Variants in CHRM3 observed in about 807,000 individuals in gnomAD.
The protein encoded by CHRM3 is cholinergic receptor muscarinic 3, also known as muscarinic acetylcholine receptor M3.
Under a neutral mutation model 41.8 loss-of-function variants are expected in CHRM3, and 11 were observed. The ratio of observed to expected loss-of-function variants is 0.26; its 90% CI spans 0.17 to 0.44. The LOEUF is 0.44. Among genes scored for constraint, CHRM3 ranks in the 20% least tolerant of loss-of-function variants. CHRM3 has a pLI of 1.00. For missense variants in CHRM3, 571 were observed against 745.4 expected (o/e 0.77, Z 2.72); for synonymous variants, 297 against 301.4 (o/e 0.99, Z 0.15).
intron 3 of CHRM3, among the ~76,000 whole-genome samples, chr1:239,602,108 G>GTA (rs1293974734): frequency 1.4e-4 from 18 of 129,408 alleles, no homozygotes; most frequent in African/African-American, 6.1e-4. Context: ...GTGTGTGTGT[G>GTA]TGTATATATA....
chr1:239,492,826 C>T lies in CHRM3; in HGVS notation c.-422+19C>T, dbSNP rs2148073553. On this transcript the variant is annotated intron_variant, in intron 2 of 6. Transcript: ENST00000676153. ...CTACAAGGTAAGTGAAATCGATCTC[C>T]GTCTACCCATTCTCCAGGCCAATTT... 2 of 152,340 alleles carry T rather than the reference C, an allele frequency of 1.3e-5. No individual in the cohort carries two copies. Among genetic ancestry groups the T allele is most frequent in the South Asian group, 2.1e-4 (1 of 4,828 alleles). 9.4% of individuals were successfully genotyped at this position (152,340 alleles called of 1,614,324 possible).
At chr1:239,827,544 T>C (rs968000503) in intron 6 of CHRM3, among the ~76,000 whole-genome samples, 166 bp downstream of exon 6, 1 of 152,196 alleles carries the variant, frequency 6.6e-6, no homozygotes, top group African/African-American at 2.4e-5. Context: ...TTGAAGGTAA[T>C]GATAGTTCCT....
intron 2 of CHRM3, among the ~76,000 whole-genome samples, chr1:239,508,915 C>T (rs1452850946): frequency 6.6e-6 from 1 of 152,146 alleles, no homozygotes; most frequent in Non-Finnish European, 1.5e-5. Flanking sequence ...AATAACTTTG[C>T]ACAAATTGTA....
At chr1:239,886,764 A>G (rs976957321) in intron 6 of CHRM3, among the ~76,000 whole-genome samples, 6 of 152,204 alleles carry the variant, frequency 3.9e-5, no homozygotes, top group Non-Finnish European at 8.8e-5. Context: ...GCAGCTGGAT[A>G]TGGTACCATT....
chr1:239,697,273 TC>T (rs1387290138), intron 5 of CHRM3, among the ~76,000 whole-genome samples: 4 of 152,068 alleles, frequency 2.6e-5, no homozygotes, highest in Non-Finnish European at 5.9e-5. Context: ...TCTCGTGAGA[TC>T]TGATGGTTTT....
intron 1 of CHRM3, among the ~76,000 whole-genome samples, chr1:239,471,115 C>G (rs1377420855): frequency 1.3e-5 from 2 of 152,048 alleles, no homozygotes; most frequent in Admixed American, 6.5e-5. Context: ...TTAAATAGTT[C>G]TAAGAAATGT....
chr1:239,661,471 A>G (rs1381708734), intron 4 of CHRM3, among the ~76,000 whole-genome samples: 1 of 152,244 alleles, frequency 6.6e-6, no homozygotes, highest in Non-Finnish European at 1.5e-5. Context: ...GCAATGGAAT[A>G]TTTAGCAATA....
chr1:239,544,319 A>G (rs1458214572), intron 2 of CHRM3, among the ~76,000 whole-genome samples: 1 of 152,194 alleles, frequency 6.6e-6, no homozygotes, highest in Non-Finnish European at 1.5e-5. Flanking sequence ...GAAGGTGCGT[A>G]GATGGAAGTC....
chr1:239,426,134 CCCCCCT>C (rs1662355816), intron 1 of CHRM3, among the ~76,000 whole-genome samples: 1 of 17,450 alleles, frequency 5.7e-5, no homozygotes, highest in Non-Finnish European at 1.5e-4. Flanking sequence ...TGCTATCCCT[CCCCCCT>C]CCCCCCTCCC....
At position 239,911,331 on chromosome 1, in the gene CHRM3, AGAC is replaced by A. The variant is rs1207207490; in HGVS notation, c.*2110_*2112del. ...TTCAACCAAAGAACAAGAAAGAAAC[AGAC>A]GATTTTCTAATATGTACACAGCAAA... On this transcript the variant is annotated 3_prime_UTR_variant, in exon 7 of 7. Transcript: ENST00000676153. 1.2e-5 allele frequency: 2 copies of A among 167,068 alleles called. No individual in the cohort carries two copies. The highest frequency in any genetic ancestry group is 2.9e-5 in the Non-Finnish European group (2 of 68,114). The allele number at this position is 167,068 out of a possible 1,614,324, so 10.3% of individuals were successfully genotyped here.
chr1:239,593,025 T>C (rs1300483214), intron 3 of CHRM3, among the ~76,000 whole-genome samples: 1 of 151,962 alleles, frequency 6.6e-6, no homozygotes, highest in Non-Finnish European at 1.5e-5. Flanking sequence ...CTTCCTCAAC[T>C]CCCCATCTTC....
At chr1:239,568,776 G>A (rs1661586637) in intron 3 of CHRM3, among the ~76,000 whole-genome samples, 1 of 152,062 alleles carries the variant, frequency 6.6e-6, no homozygotes, top group Admixed American at 6.6e-5. Flanking sequence ...CCTAGATCCT[G>A]TACTGCCTCT....
intron 6 of CHRM3, among the ~76,000 whole-genome samples, chr1:239,900,115 A>T (rs900660581): frequency 1.3e-5 from 2 of 152,164 alleles, no homozygotes; most frequent in Non-Finnish European, 2.9e-5. Flanking sequence ...TAGACTGTGA[A>T]CTTCCTTGAC....
intron 3 of CHRM3, among the ~76,000 whole-genome samples, chr1:239,561,553 G>A (rs1009024151): frequency 1.3e-5 from 2 of 151,818 alleles, no homozygotes; most frequent in African/African-American, 2.4e-5. Context: ...CTTAAACAGA[G>A]CTTTACATTT....
At position 239,502,773 on chromosome 1, in the gene CHRM3, G is replaced by A. The variant is rs139540867; in HGVS notation, c.-422+9966G>A. On this transcript the variant is annotated intron_variant, in intron 2 of 6. Coordinates refer to ENST00000676153, the MANE Select transcript of CHRM3 (RefSeq NM_001375978.1). ...GTTTAACATACACAAGTCAATAACT[G>A]TGATACACCACATAAACAGAATTAA... is the stretch of plus-strand genomic sequence containing the variant. Among the ~76,000 whole-genome samples the A allele has an allele frequency of 6.2e-3, 938 of 152,252 alleles. 13 individuals are homozygous for A. The highest frequency in any genetic ancestry group is 0.022 in the African/African-American group (901 of 41,544).
chr1:239,529,450 A>C (rs1670215743), intron 2 of CHRM3, among the ~76,000 whole-genome samples: 2 of 151,972 alleles, frequency 1.3e-5, no homozygotes, highest in African/African-American at 4.8e-5. Context: ...TGTCTCTACC[A>C]AAAATACAAA....
chr1:239,652,382 A>G (rs746264257), intron 4 of CHRM3, among the ~76,000 whole-genome samples: 18 of 152,218 alleles, frequency 1.2e-4, no homozygotes, highest in Non-Finnish European at 2.4e-4. Flanking sequence ...TGAGCAAGCT[A>G]ATTTTCTAAT....
intron 6 of CHRM3, among the ~76,000 whole-genome samples, chr1:239,866,148 C>T (rs1429840644): frequency 4.6e-5 from 7 of 152,038 alleles, no homozygotes; most frequent in South Asian, 2.1e-4. Context: ...GAGGCCGGGG[C>T]GGGCGGATCA....
At chr1:239,843,447 C>CTTTTTTTTTTTT (rs34901177) in intron 6 of CHRM3, among the ~76,000 whole-genome samples, 11 of 81,212 alleles carry the variant, frequency 1.4e-4, no homozygotes, top group Non-Finnish European at 1.6e-4. Context: ...ACTCGCTTTC[C>CTTTTTTTTTTTT]TTTTTTTTTT....
Sources: allele counts gnomAD v4.1 joint callset (sites outside exome capture counted in the v4.1 genomes callset), GRCh38; gene constraint gnomAD v4.1.1; transcripts MANE v1.5; gene names NCBI Gene and HGNC (gene_info 2026-07-23, HGNC 2026-07-21).